Variants in MAP2K5 observed in about 807,000 individuals in gnomAD.
The protein encoded by MAP2K5 is mitogen-activated protein kinase kinase 5, also known as dual specificity mitogen-activated protein kinase kinase 5.
MAP2K5 carries 49 observed loss-of-function variants against 83.1 expected under a neutral mutation model. The ratio of observed to expected loss-of-function variants is 0.59; its 90% CI spans 0.47 to 0.75. The LOEUF (loss-of-function observed/expected upper bound fraction) is 0.75, where lower values mean the gene tolerates loss of function less well. Among genes scored for constraint, MAP2K5 ranks in the 30% least tolerant of loss-of-function variants. The pLI is 0.00. For synonymous variants in MAP2K5, 202 were observed against 191.8 expected (o/e 1.05, Z -0.44); for missense variants, 457 against 557.5 (o/e 0.82, Z 1.82).
intron 16 of MAP2K5, among the ~76,000 whole-genome samples, chr15:67,706,414 G>C (rs149238314): frequency 1.4e-4 from 21 of 152,252 alleles, no homozygotes; most frequent in African/African-American, 4.8e-4. Flanking sequence ...ATTGAGTGTG[G>C]GACACCTGAA....
rs1487360935 is a variant in MAP2K5 at position 67,555,132 on chromosome 15, C to T, written c.184+5050C>T. Among the ~76,000 whole-genome samples the T allele has an allele frequency of 1.3e-5, 2 of 152,156 alleles. No individual in the cohort carries two copies. Among genetic ancestry groups the T allele is most frequent in the Non-Finnish European group, 2.9e-5 (2 of 68,038 alleles). On this transcript the variant is annotated intron_variant, in intron 2 of 21. Coordinates refer to ENST00000178640, the MANE Select transcript of MAP2K5 (RefSeq NM_145160.3). This position sits in a 1 kb window ranked among gnomAD's most constrained non-coding sequence, Gnocchi z 5.2. ...AACCTTGTTTTCTTATTAAAAGGACCTCTTTTAGGTCCTTATTCTCCATTA... is the reference window on the plus strand; with the variant it reads ...AACCTTGTTTTCTTATTAAAAGGACTTCTTTTAGGTCCTTATTCTCCATTA...
rs1310905126 is a variant in MAP2K5, at chr15:67,577,908, G to T, written c.253-2846G>T. Among the ~76,000 whole-genome samples the T allele has an allele frequency of 1.3e-5, 2 of 152,144 alleles. No homozygotes were observed. Among genetic ancestry groups the T allele is most frequent in the East Asian group, 3.9e-4 (2 of 5,194 alleles). On this transcript the variant is annotated intron_variant, in intron 3 of 21. Transcript: ENST00000178640. This position sits in a 1 kb window ranked among gnomAD's most constrained non-coding sequence, Gnocchi z 4.1. The stretch of plus-strand genomic sequence containing the variant: ...CCAGCTACTTGGGAGGCTGAGGCAG[G>T]AGAATTGCTTGAACCTGGGAGGTGT...
chr15:67,707,516 T>G (rs1318277045), intron 16 of MAP2K5, among the ~76,000 whole-genome samples: 1 of 152,248 alleles, frequency 6.6e-6, no homozygotes, highest in East Asian at 1.9e-4. Flanking sequence ...GAAACTTTCC[T>G]TTCTTCAATA....
chr15:67,645,938 A>G (rs939738518), intron 9 of MAP2K5, among the ~76,000 whole-genome samples: 17 of 152,206 alleles, frequency 1.1e-4, no homozygotes, highest in Admixed American at 1.0e-3. Context: ...AATAGAGTGC[A>G]TAAATTAAGA....
intron 4 of MAP2K5, among the ~76,000 whole-genome samples, chr15:67,582,746 A>G (rs1474613847): frequency 6.6e-6 from 1 of 151,904 alleles, no homozygotes; most frequent in Non-Finnish European, 1.5e-5. Flanking sequence ...GCTTGAGCCC[A>G]AGAGGTTGAG....
chr15:67,582,424 T>C, intron 4 of MAP2K5, among the ~76,000 whole-genome samples: 1 of 152,188 alleles, frequency 6.6e-6, no homozygotes, highest in African/African-American at 2.4e-5. Context: ...CAAAATTCTT[T>C]CTTCACAAGG....
In MAP2K5 at chr15:67,786,703, A is replaced by G. The variant is rs1270331211; in HGVS notation, c.1242+13951A>G. Reference sequence around the variant, plus strand: ...TCCCCTCCCTCTCCCTTCCTCTCCTAGCTGTCCATCCTGCAACATGTTACT... The same window carrying G: ...TCCCCTCCCTCTCCCTTCCTCTCCTGGCTGTCCATCCTGCAACATGTTACT... On this transcript the variant is annotated intron_variant, in intron 21 of 21. Coordinates refer to ENST00000178640, the MANE Select transcript of MAP2K5 (RefSeq NM_145160.3). The surrounding 1 kb of genome is among the most constrained non-coding windows in gnomAD (Gnocchi z 4.7). Among the ~76,000 whole-genome samples, 1 of 152,180 alleles carries G rather than the reference A, an allele frequency of 6.6e-6. No individual in the cohort carries two copies. The highest frequency in any genetic ancestry group is 1.5e-5 in the Non-Finnish European group (1 of 68,026).
At position 67,543,146 on chromosome 15, in the gene MAP2K5, T is replaced by A. The variant is rs902666007; in HGVS notation, c.-190T>A. The stretch of plus-strand genomic sequence containing the variant: ...GAGACACCTCAGACCCCCGACAGCC[T>A]GGGCAGGCTCGGTGCCTGCGGGTGC... On this transcript the variant is annotated 5_prime_UTR_variant, in exon 1 of 22. Transcript: ENST00000178640. The surrounding 1 kb of genome is among the most constrained non-coding windows in gnomAD (Gnocchi z 4.3). 1.6e-5 allele frequency: 10 copies of A among 608,462 alleles called. No individual in the cohort carries two copies. The highest frequency in any genetic ancestry group is 2.9e-5 in the Admixed American group (1 of 34,058). 37.7% of individuals were successfully genotyped at this position (608,462 alleles called of 1,614,324 possible). A position where few individuals can be genotyped will look rare whatever the true frequency, so the allele number is the denominator to read the frequency against.
intron 12 of MAP2K5, among the ~76,000 whole-genome samples, chr15:67,662,845 TGTC>T (rs941853171): frequency 3.3e-5 from 5 of 152,184 alleles, no homozygotes; most frequent in African/African-American, 9.6e-5. Context: ...TACCTTGCCT[TGTC>T]AACATATATG....
In MAP2K5 at chr15:67,638,098, G is replaced by A. The variant is rs964804341; in HGVS notation, c.585+7171G>A. On this transcript the variant is annotated intron_variant, in intron 9 of 21. Coordinates refer to ENST00000178640, the MANE Select transcript of MAP2K5 (RefSeq NM_145160.3). The surrounding 1 kb of genome is among the most constrained non-coding windows in gnomAD (Gnocchi z 4.5). ...ACTTTTTTAATTTAACTTTTAAGGG[G>A]TACATGTGCAGGTTTGTTATATAAG... is the stretch of plus-strand genomic sequence containing the variant. Among the ~76,000 whole-genome samples the A allele has an allele frequency of 3.3e-5, 5 of 150,956 alleles. No homozygotes were observed. The highest frequency in any genetic ancestry group is 9.8e-5 in the African/African-American group (4 of 40,952).
Position 67,783,390 on chromosome 15 carries a change from C to T in MAP2K5, c.1242+10638C>T, listed in dbSNP as rs1040159191. ...CCAAACTTCTGGCAGTCCCCAGATG[C>T]GTGAGGCATCCTCACACAGTCATGT... On this transcript the variant is annotated intron_variant, in intron 21 of 21. Coordinates refer to ENST00000178640, the MANE Select transcript of MAP2K5 (RefSeq NM_145160.3). The surrounding 1 kb of genome is among the most constrained non-coding windows in gnomAD (Gnocchi z 5.1). 6.6e-6 allele frequency among the ~76,000 whole-genome samples: 1 copy of T among 152,214 alleles called. No homozygotes were observed. The highest frequency in any genetic ancestry group is 2.4e-5 in the African/African-American group (1 of 41,448).
rs1158019061 is a variant in MAP2K5, at chr15:67,573,772, C to T, written c.253-6982C>T. On this transcript the variant is annotated intron_variant, in intron 3 of 21. Coordinates refer to ENST00000178640, the MANE Select transcript of MAP2K5 (RefSeq NM_145160.3). This position sits in a 1 kb window ranked among gnomAD's most constrained non-coding sequence, Gnocchi z 4.2. ...CTGATATCTTAAGAACAAAAGCATT[C>T]TGAGTTTTGCTTTAAAGATAATATC... is the stretch of plus-strand genomic sequence containing the variant. Among the ~76,000 whole-genome samples, 3 of 152,128 alleles carry T rather than the reference C, an allele frequency of 2.0e-5. No homozygotes were observed. The highest frequency in any genetic ancestry group is 4.4e-5 in the Non-Finnish European group (3 of 68,030).
chr15:67,644,757 G>A lies in MAP2K5; in HGVS notation c.586-1474G>A, dbSNP rs2086793155. On this transcript the variant is annotated intron_variant, in intron 9 of 21. Coordinates refer to ENST00000178640, the MANE Select transcript of MAP2K5 (RefSeq NM_145160.3). This position sits in a 1 kb window ranked among gnomAD's most constrained non-coding sequence, Gnocchi z 4.6. Reference sequence around the variant, plus strand: ...AGATTTCTTCAAGCTTTAACTTTCTGTAACAGGATTAGCAAAGAACATTAC... The same window carrying A: ...AGATTTCTTCAAGCTTTAACTTTCTATAACAGGATTAGCAAAGAACATTAC... Among the ~76,000 whole-genome samples, 1 of 151,938 alleles carries A rather than the reference G, an allele frequency of 6.6e-6. No homozygotes were observed. The highest frequency in any genetic ancestry group is 1.5e-5 in the Non-Finnish European group (1 of 67,988).
chr15:67,742,121 G>T (rs1039455400), intron 17 of MAP2K5, among the ~76,000 whole-genome samples: 1 of 151,994 alleles, frequency 6.6e-6, no homozygotes, highest in Non-Finnish European at 1.5e-5. Context: ...GTCATGATCT[G>T]CCCTCGTGAT....
At chr15:67,586,149 G>A (rs1020116045) in intron 5 of MAP2K5, among the ~76,000 whole-genome samples, 1 of 152,032 alleles carries the variant, frequency 6.6e-6, no homozygotes, top group African/African-American at 2.4e-5. Context: ...TCAATTATTT[G>A]GAATTGTTTT....
At chr15:67,767,521 A>G (rs527532003) in intron 19 of MAP2K5, among the ~76,000 whole-genome samples, 21 of 152,234 alleles carry the variant, frequency 1.4e-4, no homozygotes, top group Non-Finnish European at 2.8e-4. Context: ...CACTGATCAG[A>G]GTCCATCATT....
At chr15:67,594,273 C>T (rs1198952037) in intron 7 of MAP2K5, among the ~76,000 whole-genome samples, 1 of 152,114 alleles carries the variant, frequency 6.6e-6, no homozygotes, top group African/African-American at 2.4e-5. Flanking sequence ...ATCTGTATCA[C>T]CTCAGTGCCT....
intron 3 of MAP2K5, among the ~76,000 whole-genome samples, 160 bp from the exon 4 acceptor site, chr15:67,580,594 C>T (rs1380644836): frequency 2.0e-5 from 3 of 152,148 alleles, no homozygotes; most frequent in East Asian, 3.8e-4. Context: ...CCTAAATATT[C>T]ACTATAGTCA....
intron 1 of MAP2K5, among the ~76,000 whole-genome samples, chr15:67,545,375 A>C (rs1172326840): frequency 6.6e-6 from 1 of 152,196 alleles, no homozygotes; most frequent in African/African-American, 2.4e-5. Flanking sequence ...GGATGCATGC[A>C]ATTATGGTTC....
Sources: allele counts gnomAD v4.1 joint callset (sites outside exome capture counted in the v4.1 genomes callset), GRCh38; gene constraint gnomAD v4.1.1; non-coding constraint Gnocchi (gnomAD v3.1); transcripts MANE v1.5; gene names NCBI Gene and HGNC (gene_info 2026-07-23, HGNC 2026-07-21).